Variants in HDAC9 observed in about 807,000 individuals in gnomAD.
The protein encoded by HDAC9 is histone deacetylase 9.
Under a neutral mutation model 139.4 loss-of-function variants are expected in HDAC9, and 41 were observed. That is an observed-to-expected ratio of 0.29 (90% CI 0.23 to 0.38). The LOEUF is 0.38. Ranked by LOEUF, HDAC9 falls within the 10% of genes least tolerant of loss-of-function variation. HDAC9 has a pLI of 1.00. For synonymous variants in HDAC9, 517 were observed against 476.2 expected (o/e 1.09, Z -1.12); for missense variants, 1,147 against 1,297.0 (o/e 0.88, Z 1.78).
chr7:18,116,065 A>G (rs1316102807), intron 1 of HDAC9, among the ~76,000 whole-genome samples: 3 of 152,196 alleles, frequency 2.0e-5, no homozygotes, highest in Non-Finnish European at 4.4e-5. Flanking sequence ...AAGCCTTCTC[A>G]TGTTTCTCAA....
Position 18,753,797 on chromosome 7 carries a change from C to G in HDAC9, c.2043+4659C>G, listed in dbSNP as rs185700636. Among the ~76,000 whole-genome samples, 565 of 152,192 alleles carry G rather than the reference C, an allele frequency of 3.7e-3. 3 individuals are homozygous for G. Among genetic ancestry groups the G allele is most frequent in the Middle Eastern group, 6.8e-3 (2 of 294 alleles). On this transcript the variant is annotated intron_variant, in intron 14 of 25. Transcript: ENST00000686413. ...TGTGTGCTTTTGTCAGACCATTTAA[C>G]TTTGCTGATCTTTGGTTTTCCTATG...
chr7:18,509,666 A>G (rs980873672), intron 2 of HDAC9, among the ~76,000 whole-genome samples: 2 of 152,278 alleles, frequency 1.3e-5, no homozygotes, highest in Middle Eastern at 3.4e-3. Flanking sequence ...TACAAGCCCA[A>G]TGCAAATGTT....
intron 22 of HDAC9, among the ~76,000 whole-genome samples, chr7:18,909,296 AAATT>A (rs71017011): frequency 5.9e-5 from 9 of 151,632 alleles, no homozygotes; most frequent in South Asian, 4.2e-4. Flanking sequence ...TATATTCTGG[AAATT>A]AATTAATTAA....
chr7:18,613,008 AGTT>A (rs1190978592), intron 6 of HDAC9, among the ~76,000 whole-genome samples: 4 of 150,366 alleles, frequency 2.7e-5, no homozygotes, highest in East Asian at 1.9e-4. Flanking sequence ...TAGTCTAAGA[AGTT>A]GTACATGTTT....
chr7:18,830,780 G>A (rs1795807763), intron 19 of HDAC9, among the ~76,000 whole-genome samples: 1 of 152,176 alleles, frequency 6.6e-6, no homozygotes, highest in Non-Finnish European at 1.5e-5. Flanking sequence ...ACACGCCTGA[G>A]TCTCAATGTC....
At chr7:18,896,939 ATTCC>A (rs1279597635) in intron 22 of HDAC9, among the ~76,000 whole-genome samples, 1 of 151,958 alleles carries the variant, frequency 6.6e-6, no homozygotes, top group Non-Finnish European at 1.5e-5. Flanking sequence ...TTCATTCTCA[ATTCC>A]TGAGACCATA....
chr7:18,772,586 T>C (rs1790406719), intron 16 of HDAC9, among the ~76,000 whole-genome samples: 1 of 152,044 alleles, frequency 6.6e-6, no homozygotes, highest in Non-Finnish European at 1.5e-5. Flanking sequence ...CTTCATTTCC[T>C]CCACTGTTGC....
intron 1 of HDAC9, among the ~76,000 whole-genome samples, chr7:18,431,553 A>C (rs915070678): frequency 9.9e-5 from 15 of 152,186 alleles, no homozygotes; most frequent in African/African-American, 3.6e-4. Context: ...GAGGACTTCA[A>C]TTCAAGGAAT....
intron 1 of HDAC9, among the ~76,000 whole-genome samples, chr7:18,485,702 T>C (rs1247119365): frequency 6.6e-6 from 1 of 152,062 alleles, no homozygotes; most frequent in Non-Finnish European, 1.5e-5. Context: ...ACTTTATATT[T>C]ACTGTTTCTA....
chr7:18,157,741 G>A (rs73315790), intron 1 of HDAC9, among the ~76,000 whole-genome samples: 3,345 of 150,920 alleles, frequency 0.022, 130 homozygotes, highest in African/African-American at 0.076. Flanking sequence ...ACAATGTTAA[G>A]AGCGGTTTTC....
intron 6 of HDAC9, among the ~76,000 whole-genome samples, chr7:18,603,500 C>A (rs1322877250): frequency 1.3e-5 from 2 of 151,958 alleles, no homozygotes; most frequent in Non-Finnish European, 2.9e-5. Flanking sequence ...TTTGATGAAT[C>A]CATTTATAGT....
chr7:18,775,851 C>A (rs369593152), intron 16 of HDAC9, among the ~76,000 whole-genome samples: 66 of 152,104 alleles, frequency 4.3e-4, no homozygotes, highest in African/African-American at 1.6e-3. Flanking sequence ...TCAGTTGAAC[C>A]AGATTCAAAT....
chr7:18,771,987 A>G (rs1011446), intron 16 of HDAC9, among the ~76,000 whole-genome samples: 40,427 of 152,060 alleles, frequency 0.27, 6,492 homozygotes, highest in East Asian at 0.61. Context: ...AAGGTGCAGC[A>G]TGCAAAAACG....
rs186370903 is a variant in HDAC9, at chr7:18,100,372, A to G, written c.-97+13159A>G. On this transcript the variant is annotated intron_variant, in intron 1 of 12. Transcript: ENST00000417496. ...ATCAAATTTGAAAAAAAAGTTAGTC[A>G]TTATTTCTTCAGAATTTTTTTAGGA... Among the ~76,000 whole-genome samples the G allele has an allele frequency of 2.2e-3, 341 of 152,190 alleles. 1 individual carries two copies. The highest frequency in any genetic ancestry group is 8.0e-3 in the African/African-American group (332 of 41,540).
intron 12 of HDAC9, among the ~76,000 whole-genome samples, chr7:18,685,383 G>A (rs1398931684): frequency 6.6e-6 from 1 of 151,776 alleles, no homozygotes; most frequent in Non-Finnish European, 1.5e-5. Context: ...TTCTTGGCCA[G>A]CTATACAATT....
intron 2 of HDAC9, among the ~76,000 whole-genome samples, chr7:18,164,025 A>G (rs1178156001): frequency 6.6e-6 from 1 of 152,228 alleles, no homozygotes; most frequent in Non-Finnish European, 1.5e-5. Flanking sequence ...TAAATAAGAC[A>G]ACCATTGAAT....
chr7:18,715,942 G>C (rs541005182), intron 12 of HDAC9, among the ~76,000 whole-genome samples: 1 of 152,048 alleles, frequency 6.6e-6, no homozygotes, highest in Non-Finnish European at 1.5e-5. Flanking sequence ...ACAGATCCTA[G>C]ACTGAGAATA....
rs553860088 is a variant in HDAC9, at chr7:18,496,048, A to C, written c.-42+25A>C. 2.8e-6 allele frequency: 4 copies of C among 1,439,500 alleles called. No homozygotes were observed. In the East Asian group the frequency reaches 1.0e-4, roughly 36 times the overall value. The allele number at this position is 1,439,500 out of a possible 1,614,324, so 89.2% of individuals were successfully genotyped here. A position where few individuals can be genotyped will look rare whatever the true frequency, so the allele number is the denominator to read the frequency against. On this transcript the variant is annotated intron_variant, in intron 1 of 25. Coordinates refer to ENST00000686413, the MANE Select transcript of HDAC9 (RefSeq NM_178425.4). ...GGTTGGTAACATGGGAAAAGTGTCC[A>C]GGTCTTTTTAAAAGTGGATGCCCAT...
intron 1 of HDAC9, among the ~76,000 whole-genome samples, chr7:18,104,826 G>GC (rs1783099396): frequency 6.6e-6 from 1 of 151,948 alleles, no homozygotes; most frequent in African/African-American, 2.4e-5. Flanking sequence ...GACATGTTTT[G>GC]TTGATGCCAC....
Sources: allele counts gnomAD v4.1 joint callset (sites outside exome capture counted in the v4.1 genomes callset), GRCh38; gene constraint gnomAD v4.1.1; transcripts MANE v1.5; gene names NCBI Gene and HGNC (gene_info 2026-07-23, HGNC 2026-07-21).